The following MAP4 variants were observed in gnomAD, a reference collection of about 807,000 sequenced individuals.
The protein encoded by MAP4 is microtubule associated protein 4.
A neutral mutation model predicts 170.2 loss-of-function variants in MAP4; 76 were observed. That is an observed-to-expected ratio of 0.45 (90% confidence interval 0.37 to 0.54). The LOEUF is 0.54. Among genes scored for constraint, MAP4 ranks in the 20% least tolerant of loss-of-function variants. The pLI, the probability that MAP4 is intolerant of heterozygous loss-of-function variation, is 0.00. For missense variants in MAP4, 2,506 were observed against 2,748.0 expected, an observed-to-expected ratio of 0.91 and a Z score of 1.97; for synonymous variants, 909 against 994.5, an observed-to-expected ratio of 0.91 and a Z score of 1.62.
At chr3:47,854,042 G>A (rs913001023) in intron 19 of MAP4, among the ~76,000 whole-genome samples, 32 of 152,338 alleles carry the variant, frequency 2.1e-4, no homozygotes, top group African/African-American at 5.8e-4. Context: ...TGGAAAGCGT[G>A]TGTCGCCAAA....
intron 10 of MAP4, among the ~76,000 whole-genome samples, chr3:47,881,522 G>A (rs574648209): frequency 1.1e-4 from 13 of 120,180 alleles, no homozygotes; most frequent in Non-Finnish European, 1.4e-4. Flanking sequence ...TATAGCTACT[G>A]CTACTTTAAA....
At chr3:47,938,179 C>A (rs1411292062) in intron 3 of MAP4, among the ~76,000 whole-genome samples, 2 of 151,478 alleles carry the variant, frequency 1.3e-5, no homozygotes, top group Non-Finnish European at 2.9e-5. Flanking sequence ...AGAGACCAGC[C>A]TGGCCAACAT....
rs540161484 is a variant in MAP4 at position 47,869,194 on chromosome 3, T to G, written c.6408+20A>C. 9.6e-6 allele frequency: 15 copies of G among 1,556,370 alleles called. No homozygotes were observed. In the African/African-American group the frequency reaches 1.8e-4, roughly 18 times the overall value. On this transcript the variant is annotated intron_variant, in intron 16 of 20. Transcript: ENST00000683076. ...TTTTACCATCTTCACCTTGCAGAGGTGGGTCTAAATAAAACTCACTTTCCC... is the reference window on the plus strand; with the variant it reads ...TTTTACCATCTTCACCTTGCAGAGGGGGGTCTAAATAAAACTCACTTTCCC...
intron 1 of MAP4, among the ~76,000 whole-genome samples, chr3:48,051,745 G>A (rs965526061): frequency 6.6e-6 from 1 of 152,252 alleles, no homozygotes; most frequent in South Asian, 2.1e-4. Context: ...GGCTCCCAGC[G>A]AGGACATCAT....
In MAP4 at chr3:47,916,179, G is replaced by A. The variant is rs774353388; in HGVS notation, c.1648C>T (p.Pro550Ser). The change falls in exon 7 of 21, where the codon CCA becomes TCA. Residue 550 changes from proline to serine, a missense_variant. Around this residue, in one of 3 missense-constraint regions of MAP4, gnomAD observed 2,008 missense variants for 2,206.0 expected, o/e 0.91. Transcript: ENST00000683076. Reference protein sequence around the residue: ...MEVALTEDQVPALKTEAPLAK... With the variant: ...MEVALTEDQVSALKTEAPLAK... ...AGGGGTGCTTCTGTTTTGAGGGCTG[G>A]GACCTGATCCTCAGTCAGGGCCACC... 2 of 1,614,148 alleles carry A rather than the reference G, an allele frequency of 1.2e-6. No homozygotes were observed. Among genetic ancestry groups the A allele is most frequent in the Non-Finnish European group, 1.7e-6 (2 of 1,180,030 alleles).
intron 1 of MAP4, among the ~76,000 whole-genome samples, chr3:48,023,699 T>C (rs934210186): frequency 6.6e-6 from 1 of 152,354 alleles, no homozygotes; most frequent in South Asian, 2.1e-4. Flanking sequence ...CTGTGTTCAA[T>C]ATTCTATTGT....
Position 47,914,862 on chromosome 3 carries a change from T to G in MAP4, c.1954A>C (p.Lys652Gln). 6.2e-7 allele frequency: 1 copy of G among 1,614,178 alleles called. No individual in the cohort carries two copies. The highest frequency in any genetic ancestry group is 8.5e-7 in the Non-Finnish European group (1 of 1,180,038). Residue 652 changes from lysine to glutamine, a missense_variant, in exon 8 of 21, where the codon AAA becomes CAA. By Grantham distance (53) the Lys-to-Gln change is moderately conservative. Transcript: ENST00000683076. The stretch of plus-strand genomic sequence containing the variant: ...TCAGAAGGTTGACTGTTGCATGGTT[T>G]CCTTTCCCCTAGTTTTTCTAACACA... ...DSVLEKLGER[K>Q]PCNSQPSELS...
At chr3:48,001,872 T>C (rs1419544917) in intron 1 of MAP4, among the ~76,000 whole-genome samples, 1 of 152,100 alleles carries the variant, frequency 6.6e-6, no homozygotes, top group African/African-American at 2.4e-5. Context: ...CTAAATCATA[T>C]CTTTTTATTT....
chr3:47,976,483 A>AC (rs1423662004), intron 3 of MAP4, among the ~76,000 whole-genome samples: 1 of 152,044 alleles, frequency 6.6e-6, no homozygotes, highest in Admixed American at 6.6e-5. Flanking sequence ...GCCTTTCCTT[A>AC]CCCTGGTTAA....
At chr3:47,893,515 G>C (rs1040780725) in intron 10 of MAP4, among the ~76,000 whole-genome samples, 3 of 152,140 alleles carry the variant, frequency 2.0e-5, no homozygotes, top group African/African-American at 7.2e-5. Context: ...ATTTAACTCA[G>C]CATGGTCCTT....
intron 1 of MAP4, among the ~76,000 whole-genome samples, chr3:48,083,859 T>C (rs2100147796): frequency 6.6e-6 from 1 of 150,974 alleles, no homozygotes; most frequent in South Asian, 2.1e-4. Context: ...CGCGAGTAGC[T>C]GGGATTACAG....
intron 15 of MAP4, among the ~76,000 whole-genome samples, chr3:47,869,712 C>T (rs1040358138): frequency 2.6e-5 from 4 of 152,206 alleles, no homozygotes; most frequent in Non-Finnish European, 5.9e-5. Context: ...GCAGCTGCCA[C>T]GGTCACAGGA....
At chr3:47,915,873 G>C in intron 7 of MAP4, 78 bp downstream of exon 7, 1 of 1,471,742 alleles carries the variant, frequency 6.8e-7, no homozygotes. Flanking sequence ...TACTTTACCT[G>C]GCATGATGTT....
At position 47,877,509 on chromosome 3, in the gene MAP4, C is replaced by T; in HGVS notation, c.5449G>A (p.Glu1817Lys). The T allele has an allele frequency of 1.2e-6, 2 of 1,612,866 alleles. No homozygotes were observed. Among genetic ancestry groups the T allele is most frequent in the Non-Finnish European group, 8.5e-7 (1 of 1,179,132 alleles). Residue 1817 changes from glutamate to lysine, a missense_variant, in exon 11 of 21, where the codon GAA becomes AAA. Glu to Lys is a moderately conservative substitution (Grantham distance 56). Around this residue, in one of 3 missense-constraint regions of MAP4, gnomAD observed 2,008 missense variants for 2,206.0 expected, o/e 0.91. Transcript: ENST00000683076. ...CCACTCACCACAGGCCTTCCTTCTT[C>T]TGGCCTGGCTATTCCTAAGGGGAGA... ...GMSVYGIARP[E>K]EGRPVVSGTG...
intron 1 of MAP4, among the ~76,000 whole-genome samples, chr3:48,045,043 G>C (rs534992221): frequency 6.6e-5 from 10 of 151,954 alleles, no homozygotes; most frequent in African/African-American, 2.4e-4. Flanking sequence ...AATCACCTGA[G>C]GTCAGGAGTT....
rs529555190 is a variant in MAP4, at chr3:47,898,909, A to G, written c.5434+4041T>C. ...AGTCTGAGGCTGCAGTGAGTGAACT[A>G]TGATCACGCCACTGCACTCCAGCCT... On this transcript the variant is annotated intron_variant, in intron 10 of 20. Coordinates refer to ENST00000683076, the MANE Select transcript of MAP4 (RefSeq NM_001385682.1). 4.0e-5 allele frequency among the ~76,000 whole-genome samples: 6 copies of G among 151,872 alleles called. No individual in the cohort carries two copies. In the South Asian group the frequency reaches 1.3e-3, roughly 32 times the overall value.
chr3:48,086,454 C>T (rs773318034), intron 1 of MAP4, among the ~76,000 whole-genome samples: 1 of 152,152 alleles, frequency 6.6e-6, no homozygotes, highest in African/African-American at 2.4e-5. Flanking sequence ...GTCTGTCCAA[C>T]GTGGCGAAAC....
At chr3:47,972,392 TGTA>T (rs978121945) in intron 3 of MAP4, among the ~76,000 whole-genome samples, 6 of 152,196 alleles carry the variant, frequency 3.9e-5, no homozygotes, top group African/African-American at 9.7e-5. Flanking sequence ...CTAAACTAAA[TGTA>T]GTGTTAGAAA....
At chr3:48,038,702 C>T (rs1375996757) in intron 1 of MAP4, among the ~76,000 whole-genome samples, 2 of 152,132 alleles carry the variant, frequency 1.3e-5, no homozygotes, top group Non-Finnish European at 2.9e-5. Flanking sequence ...CCTCGTGATC[C>T]GCCCGCCTCG....
Sources: gnomAD v4.1 joint callset for allele counts (sites outside exome capture counted in the v4.1 genomes callset) on GRCh38, gnomAD v4.1.1 for gene constraint, gnomAD v4.1.1 regional missense constraint, MANE v1.5 for transcripts, NCBI Gene and HGNC (gene_info 2026-07-23, HGNC 2026-07-21) for gene names.